Variants in ANGPT1 observed in about 807,000 individuals in gnomAD.
ANGPT1 encodes the protein angiopoietin 1, also known as angiopoietin-1.
Under a neutral mutation model 62.2 loss-of-function variants are expected in ANGPT1, and 17 were observed. The observed-to-expected ratio is 0.27, with a 90% CI of 0.19 to 0.41. The LOEUF is 0.41. Ranked by LOEUF, ANGPT1 falls within the 10% of genes least tolerant of loss-of-function variation. The pLI is 1.00. For synonymous variants in ANGPT1, 199 were observed against 198.9 expected (o/e 1.00, Z 0.00); for missense variants, 478 against 594.9 (o/e 0.80, Z 2.04).
intron 1 of ANGPT1, among the ~76,000 whole-genome samples, chr8:107,420,932 T>C (rs13275633): frequency 6.6e-6 from 1 of 152,142 alleles, no homozygotes; most frequent in African/African-American, 2.4e-5. Flanking sequence ...TATTCACTAA[T>C]ACTCCTGCTA....
intron 6 of ANGPT1, among the ~76,000 whole-genome samples, chr8:107,287,730 C>G (rs1814176521): frequency 6.6e-6 from 1 of 152,142 alleles, no homozygotes; most frequent in South Asian, 2.1e-4. Flanking sequence ...ACCTCTACCC[C>G]TTATCTCTGG....
intron 1 of ANGPT1, among the ~76,000 whole-genome samples, chr8:107,354,993 C>T (rs949633536): frequency 4.0e-5 from 6 of 151,598 alleles, no homozygotes. Context: ...TCGCTGCAAC[C>T]TTCGCCTCTC....
intron 1 of ANGPT1, among the ~76,000 whole-genome samples, chr8:107,394,752 T>G (rs1344554817): frequency 6.6e-6 from 1 of 152,290 alleles, no homozygotes; most frequent in African/African-American, 2.4e-5. Flanking sequence ...ATGATTTTGT[T>G]AAGATTTCCT....
intron 1 of ANGPT1, among the ~76,000 whole-genome samples, chr8:107,348,192 C>T (rs1445072834): frequency 3.3e-5 from 5 of 152,186 alleles, no homozygotes; most frequent in Non-Finnish European, 7.4e-5. Context: ...CACTTGATAG[C>T]TATGACAAGT....
At chr8:107,305,967 AG>A (rs939587583) in intron 4 of ANGPT1, among the ~76,000 whole-genome samples, 6 of 152,066 alleles carry the variant, frequency 3.9e-5, no homozygotes, top group Non-Finnish European at 8.8e-5. Context: ...CCCTTTGATA[AG>A]GGTAGATTGA....
At chr8:107,292,813 CA>C (rs1330282647) in intron 6 of ANGPT1, among the ~76,000 whole-genome samples, 1 of 152,164 alleles carries the variant, frequency 6.6e-6, no homozygotes, top group Admixed American at 6.6e-5. Context: ...TGATGCAAAT[CA>C]ACCATAGTTT....
intron 8 of ANGPT1, among the ~76,000 whole-genome samples, chr8:107,259,183 C>T (rs1337082833): frequency 6.6e-6 from 1 of 152,064 alleles, no homozygotes. Flanking sequence ...AATATTTTTA[C>T]CTTGAAACAG....
intron 1 of ANGPT1, among the ~76,000 whole-genome samples, chr8:107,370,008 C>A (rs1816349965): frequency 6.6e-6 from 1 of 151,546 alleles, no homozygotes; most frequent in Admixed American, 6.6e-5. Context: ...TGGTGGCACG[C>A]ATCTGCAGTC....
chr8:107,497,135 A>T (rs1349780963), intron 1 of ANGPT1, 127 bp downstream of exon 1: 2 of 1,133,362 alleles, frequency 1.8e-6, no homozygotes, highest in Non-Finnish European at 2.5e-6. Context: ...CCGTCTTGCA[A>T]TTGCAAACAC....
intron 1 of ANGPT1, among the ~76,000 whole-genome samples, chr8:107,361,975 C>T: frequency 6.6e-6 from 1 of 152,136 alleles, no homozygotes. Flanking sequence ...AGGAGAATCA[C>T]TTGAACTCTG....
At chr8:107,448,673 C>T (rs1364023167) in intron 1 of ANGPT1, among the ~76,000 whole-genome samples, 1 of 152,012 alleles carries the variant, frequency 6.6e-6, no homozygotes. Flanking sequence ...TTAGGTATGG[C>T]TAGGTCAAAA....
At chr8:107,371,583 T>G (rs1279615642) in intron 1 of ANGPT1, among the ~76,000 whole-genome samples, 1 of 145,278 alleles carries the variant, frequency 6.9e-6, no homozygotes. Flanking sequence ...CTTTTTTTTT[T>G]TTTTTTTTTT....
chr8:107,481,646 A>G (rs1415543475), intron 1 of ANGPT1, among the ~76,000 whole-genome samples: 1 of 152,116 alleles, frequency 6.6e-6, no homozygotes, highest in Non-Finnish European at 1.5e-5. Context: ...TAATTTATAA[A>G]GAAAAGAGGT....
At chr8:107,313,767 C>A (rs1814943065) in intron 4 of ANGPT1, among the ~76,000 whole-genome samples, 2 of 151,914 alleles carry the variant, frequency 1.3e-5, no homozygotes. Flanking sequence ...TTTAAAGATT[C>A]TTTGCAATTG....
chr8:107,287,482 T>C (rs1278680165), intron 6 of ANGPT1, among the ~76,000 whole-genome samples: 2 of 152,346 alleles, frequency 1.3e-5, no homozygotes, highest in Admixed American at 6.5e-5. Context: ...TGTCCAAGCA[T>C]GCTCTAGTAT....
intron 1 of ANGPT1, among the ~76,000 whole-genome samples, chr8:107,461,303 A>G (rs1365094436): frequency 6.6e-6 from 1 of 152,160 alleles, no homozygotes; most frequent in East Asian, 1.9e-4. Context: ...AAGTTTTAGT[A>G]AAAGGTACTT....
intron 7 of ANGPT1, among the ~76,000 whole-genome samples, chr8:107,274,981 A>C (rs1813827641): frequency 6.6e-6 from 1 of 152,094 alleles, no homozygotes; most frequent in African/African-American, 2.4e-5. Flanking sequence ...GAGGACATGG[A>C]AGGGGCTCCT....
At chr8:107,256,866 G>GT (rs754683151) in intron 8 of ANGPT1, among the ~76,000 whole-genome samples, 37 of 150,736 alleles carry the variant, frequency 2.5e-4, no homozygotes, top group East Asian at 1.6e-3. Context: ...GTTTTGTTTT[G>GT]TTTTTTTTGA....
At chr8:107,369,936 A>T (rs762533193) in intron 1 of ANGPT1, among the ~76,000 whole-genome samples, 34 of 151,972 alleles carry the variant, frequency 2.2e-4, no homozygotes, top group Non-Finnish European at 2.2e-4. Context: ...CCAGGAGTTG[A>T]AGATCAGCCT....
Sources: gnomAD v4.1 joint callset for allele counts (sites outside exome capture counted in the v4.1 genomes callset) on GRCh38, gnomAD v4.1.1 for gene constraint, MANE v1.5 for transcripts, NCBI Gene and HGNC (gene_info 2026-07-23, HGNC 2026-07-21) for gene names.